The following TMEM68 variants were observed in gnomAD, a reference collection of about 807,000 sequenced individuals.
The protein encoded by TMEM68 is DGAT1/2-independent enzyme synthesizing storage lipids.
Under a neutral mutation model 36.9 loss-of-function variants are expected in TMEM68, and 25 were observed. The observed-to-expected ratio is 0.68, with a 90% CI of 0.49 to 0.95. The LOEUF (loss-of-function observed/expected upper bound fraction) is 0.95. Ranked by LOEUF, TMEM68 falls within the 40% of genes least tolerant of loss-of-function variation. The probability of loss-of-function intolerance (pLI) is 0.00; values close to 1 mark genes in which losing one functional copy is unlikely to be tolerated. For synonymous variants in TMEM68, 131 were observed against 124.4 expected, an observed-to-expected ratio of 1.05 and a Z score of -0.35; for missense variants, 333 against 392.0, an observed-to-expected ratio of 0.85 and a Z score of 1.27.
chr8:55,743,713 A>T, intron 6 of TMEM68, 93 bp from the exon 7 acceptor site: 1 of 1,204,830 alleles, frequency 8.3e-7, no homozygotes, highest in Non-Finnish European at 1.1e-6. Context: ...ACTTACAGGA[A>T]GGTGGCAAAA....
intron 3 of TMEM68, among the ~76,000 whole-genome samples, chr8:55,759,856 G>A (rs955534197): frequency 6.6e-6 from 1 of 152,162 alleles, no homozygotes; most frequent in Non-Finnish European, 1.5e-5. Context: ...ATTTGAACTA[G>A]ACTACAAGAA....
Position 55,740,129 on chromosome 8 carries a change from T to C in TMEM68, c.*3A>G, listed in dbSNP as rs1192008169. ...AAATCATCTTCTAGTTGACCCTTTG[T>C]TATCAATGAAAACGTTCTAACAAAG... On this transcript the variant is annotated 3_prime_UTR_variant, in exon 8 of 8. Transcript: ENST00000434581. The C allele has an allele frequency of 6.2e-7, 1 of 1,610,550 alleles. No homozygotes were observed.
At chr8:55,754,964 CACACACACACACAT>C (rs1563432664) in intron 4 of TMEM68, among the ~76,000 whole-genome samples, 1 of 140,594 alleles carries the variant, frequency 7.1e-6, no homozygotes, top group African/African-American at 2.6e-5. Context: ...CACACACACA[CACACACACACACAT>C]AGCCTTTATA....
chr8:55,751,335 G>A (rs1810422700), intron 4 of TMEM68, 178 bp from the exon 5 acceptor site: 1 of 562,996 alleles, frequency 1.8e-6, no homozygotes, highest in African/African-American at 1.9e-5. Context: ...AGCTTCTCTG[G>A]CTCAAATTCT....
chr8:55,742,678 T>C (rs1810139735), intron 7 of TMEM68, among the ~76,000 whole-genome samples: 1 of 152,124 alleles, frequency 6.6e-6, no homozygotes, highest in Admixed American at 6.6e-5. Context: ...GTGCCGGGAT[T>C]ACAAGTGTGA....
At chr8:55,741,540 T>C (rs959172471) in intron 7 of TMEM68, among the ~76,000 whole-genome samples, 16 of 152,216 alleles carry the variant, frequency 1.1e-4, no homozygotes, top group African/African-American at 2.9e-4. Context: ...TGTGAGATCA[T>C]TGGTGATGCA....
At chr8:55,771,250 A>C (rs1378192995) in intron 1 of TMEM68, among the ~76,000 whole-genome samples, 1 of 152,172 alleles carries the variant, frequency 6.6e-6, no homozygotes, top group African/African-American at 2.4e-5. Context: ...AGAGTATTTC[A>C]AAAACTAATA....
chr8:55,745,040 A>G (rs1810229300), intron 6 of TMEM68, 21 bp downstream of exon 6: 2 of 1,441,848 alleles, frequency 1.4e-6, no homozygotes, highest in East Asian at 5.2e-5. Context: ...GTAATTTAAA[A>G]CCATACAAAT....
At chr8:55,744,837 C>T (rs2129914266) in intron 6 of TMEM68, among the ~76,000 whole-genome samples, 1 of 152,182 alleles carries the variant, frequency 6.6e-6, no homozygotes, top group South Asian at 2.1e-4. Flanking sequence ...TTTAAAAGCC[C>T]ATTTGAAGAA....
At chr8:55,772,269 T>G (rs1811198584) in intron 1 of TMEM68, among the ~76,000 whole-genome samples, 1 of 152,226 alleles carries the variant, frequency 6.6e-6, no homozygotes, top group Non-Finnish European at 1.5e-5. Context: ...TGCATGAATT[T>G]TAGCTCAGTT....
intron 5 of TMEM68, 40 bp downstream of exon 5, chr8:55,750,924 G>C: frequency 6.4e-7 from 1 of 1,567,918 alleles, no homozygotes; most frequent in South Asian, 1.2e-5. Context: ...TTTTAAATTT[G>C]ACTAAGCTTT....
At chr8:55,761,692 T>G (rs1194478992) in intron 3 of TMEM68, 6 of 152,168 alleles carry the variant, frequency 3.9e-5, no homozygotes, top group African/African-American at 9.7e-5. Context: ...AAAAAAAATT[T>G]GTAGGTTCGT....
At chr8:55,763,293 T>A (rs1810859167) in intron 2 of TMEM68, 1 of 176,318 alleles carries the variant, frequency 5.7e-6, no homozygotes. Flanking sequence ...ATAAAGCTGA[T>A]GAGGAATATA....
chr8:55,765,571 C>T (rs1308256281), intron 1 of TMEM68, among the ~76,000 whole-genome samples: 1 of 152,234 alleles, frequency 6.6e-6, no homozygotes, highest in Non-Finnish European at 1.5e-5. Context: ...CGCTATCATT[C>T]ATAGAATCAC....
intron 4 of TMEM68, chr8:55,751,427 A>G (rs993892623): frequency 6.9e-6 from 3 of 433,408 alleles, no homozygotes; most frequent in African/African-American, 6.2e-5. Context: ...TTACAGAATA[A>G]TAGCTTGCTC....
chr8:55,772,648 T>C (rs1167893124), intron 1 of TMEM68, among the ~76,000 whole-genome samples: 1 of 152,218 alleles, frequency 6.6e-6, no homozygotes, highest in African/African-American at 2.4e-5. Context: ...TCATTTCGTT[T>C]AGTCCTCCCT....
chr8:55,754,871 TA>T (rs1810550111), intron 4 of TMEM68, among the ~76,000 whole-genome samples: 2 of 135,392 alleles, frequency 1.5e-5, no homozygotes, highest in Non-Finnish European at 3.1e-5. Context: ...ATAAAATATA[TA>T]GTATATATTT....
intron 5 of TMEM68, chr8:55,748,027 C>G (rs886090680): frequency 3.9e-5 from 6 of 152,104 alleles, no homozygotes; most frequent in African/African-American, 1.4e-4. Context: ...CTAGGGCCCA[C>G]TAAATAAAAG....
chr8:55,742,572 C>A (rs1810136056), intron 7 of TMEM68, among the ~76,000 whole-genome samples: 1 of 152,048 alleles, frequency 6.6e-6, no homozygotes, highest in South Asian at 2.1e-4. Flanking sequence ...CAGTGTCTCA[C>A]TCTGTTGCCC....
Sources: allele counts gnomAD v4.1 joint callset (sites outside exome capture counted in the v4.1 genomes callset), GRCh38; gene constraint gnomAD v4.1.1; transcripts MANE v1.5; gene names NCBI Gene and HGNC (gene_info 2026-07-23, HGNC 2026-07-21).